The following FICD variants were observed in gnomAD, a reference collection of about 807,000 sequenced individuals.
The protein encoded by FICD is FIC domain protein adenylyltransferase, also known as protein adenylyltransferase FICD.
Under a neutral mutation model 28.0 loss-of-function variants are expected in FICD, and 13 were observed. That is an observed-to-expected ratio of 0.46 (90% CI 0.30 to 0.74). FICD has a LOEUF of 0.74. Ranked by LOEUF, FICD falls within the 30% of genes least tolerant of loss-of-function variation. The pLI is 0.07. For synonymous variants in FICD, 268 were observed against 266.4 expected, an observed-to-expected ratio of 1.01 and a Z score of -0.06; for missense variants, 576 against 624.5, an observed-to-expected ratio of 0.92 and a Z score of 0.83.
chr12:108,520,589 C>G lies in FICD; in HGVS notation c.*1114C>G, dbSNP rs1169807365. The G allele has an allele frequency of 2.0e-5, 3 of 152,188 alleles. No individual in the cohort carries two copies. The East Asian group carries it at 5.8e-4, about 29-fold the overall frequency. The allele number at this position is 152,188 out of a possible 1,614,324, so 9.4% of individuals were successfully genotyped here. ...GCAGAAGAGATTGCCTCGGAGTGGCCTTATTTTTCTCGCAACTTGTGAAAT... is the reference window on the plus strand; with the variant it reads ...GCAGAAGAGATTGCCTCGGAGTGGCGTTATTTTTCTCGCAACTTGTGAAAT... On this transcript the variant is annotated 3_prime_UTR_variant, in exon 3 of 3. Coordinates refer to ENST00000552695, the MANE Select transcript of FICD (RefSeq NM_007076.3).
Position 108,519,125 on chromosome 12 carries a change from G to A in FICD, c.1027G>A (p.Ala343Thr). Residue 343 changes from alanine (A) to threonine (T), a missense_variant, in exon 3 of 3, where the codon GCC becomes ACC. Coordinates refer to ENST00000552695, the MANE Select transcript of FICD (RefSeq NM_007076.3). The surrounding 1 kb of genome is among the most constrained non-coding windows in gnomAD (Gnocchi z 4.5). ...EFVQWLNSEE[A>T]MNLHPVEFAA... ...TGTACAGTGGCTCAACTCCGAGGAA[G>A]CCATGAACCTGCACCCAGTGGAGTT... is the stretch of plus-strand genomic sequence containing the variant. 2 of 1,614,244 alleles carry A rather than the reference G, an allele frequency of 1.2e-6. No homozygotes were observed. The highest frequency in any genetic ancestry group is 1.3e-5 in the African/African-American group (1 of 75,060).
Position 108,518,186 on chromosome 12 carries a change from C to G in FICD, c.302-214C>G, listed in dbSNP as rs780434065. On this transcript the variant is annotated intron_variant, in intron 2 of 2. Coordinates refer to ENST00000552695, the MANE Select transcript of FICD (RefSeq NM_007076.3). This position sits in a 1 kb window ranked among gnomAD's most constrained non-coding sequence, Gnocchi z 4.4. ...ACAAGAGAGTGGCTCTGGGGACACA[C>G]GGATAGTGACTGCATACCACCACAC... 16 of 702,934 alleles carry G rather than the reference C, an allele frequency of 2.3e-5. No individual in the cohort carries two copies. The highest frequency in any genetic ancestry group is 3.9e-5 in the Non-Finnish European group (15 of 385,252). The allele number at this position is 702,934 out of a possible 1,614,324, so 43.5% of individuals were successfully genotyped here.
chr12:108,521,067 G>A lies in FICD; in HGVS notation c.*1592G>A, dbSNP rs372509377. ...AGAGGTACTTCTTAAAACTCTTCTC[G>A]TCTTGGTTTTATAAGCACACCACGG... On this transcript the variant is annotated 3_prime_UTR_variant, in exon 3 of 3. Transcript: ENST00000552695. The A allele has an allele frequency of 3.9e-5, 6 of 152,136 alleles. No homozygotes were observed. Among genetic ancestry groups the A allele is most frequent in the East Asian group, 1.9e-4 (1 of 5,206 alleles). 9.4% of individuals were successfully genotyped at this position (152,136 alleles called of 1,614,324 possible).
In FICD at chr12:108,519,138, A is replaced by T; in HGVS notation, c.1040A>T (p.His347Leu). The T allele has an allele frequency of 6.2e-7, 1 of 1,614,220 alleles. No individual in the cohort carries two copies. The highest frequency in any genetic ancestry group is 8.5e-7 in the Non-Finnish European group (1 of 1,180,028). The change falls in exon 3 of 3, where the codon CAC becomes CTC. Residue 347 changes from histidine (H) to leucine (L), a missense_variant. His to Leu is a moderately conservative substitution (Grantham distance 99). Coordinates refer to ENST00000552695, the MANE Select transcript of FICD (RefSeq NM_007076.3). This position sits in a 1 kb window ranked among gnomAD's most constrained non-coding sequence, Gnocchi z 4.5. ...AACTCCGAGGAAGCCATGAACCTGCACCCAGTGGAGTTTGCAGCCTTAGCC... is the reference window on the plus strand; with the variant it reads ...AACTCCGAGGAAGCCATGAACCTGCTCCCAGTGGAGTTTGCAGCCTTAGCC... Reference protein sequence around the residue: ...WLNSEEAMNLHPVEFAALAHY... With the variant: ...WLNSEEAMNLLPVEFAALAHY...
rs759118075 is a variant in FICD at position 108,518,746 on chromosome 12, C to T, written c.648C>T (p.Arg216=). ...TCCCCAAGGGGAACTCAGCTCTGCG[C>T]AGGGTCATGGAGGAGACCTACTACC... ...MSIPKGNSAL[R]RVMEETYYHH... Residue 216 remains arginine, a synonymous_variant, in exon 3 of 3, where the codon CGC becomes CGT. Coordinates refer to ENST00000552695, the MANE Select transcript of FICD (RefSeq NM_007076.3). The surrounding 1 kb of genome is among the most constrained non-coding windows in gnomAD (Gnocchi z 4.4). 9.3e-6 allele frequency: 15 copies of T among 1,614,216 alleles called. No individual in the cohort carries two copies. In the South Asian group the frequency reaches 1.6e-4, roughly 18 times the overall value.
chr12:108,517,822 C>T (rs1241119295), intron 2 of FICD, among the ~76,000 whole-genome samples: 1 of 152,176 alleles, frequency 6.6e-6, no homozygotes, highest in East Asian at 1.9e-4. Flanking sequence ...CCCTCCACCT[C>T]CTCAGTTATG....
rs1356522280 is a variant in FICD at position 108,519,028 on chromosome 12, G to A, written c.930G>A (p.Arg310=). Residue 310 remains arginine (R), a synonymous_variant, in exon 3 of 3, where the codon CGG becomes CGA. Transcript: ENST00000552695. This position sits in a 1 kb window ranked among gnomAD's most constrained non-coding sequence, Gnocchi z 4.5. Reference sequence around the variant, plus strand: ...ACCCCGTGGAAGCCGGCAGGTTTCGGACAACACAGGTCCTGGTCGGACACC... The same window carrying A: ...ACCCCGTGGAAGCCGGCAGGTTTCGAACAACACAGGTCCTGGTCGGACACC... ...YVDPVEAGRF[R]TTQVLVGHHI... 1 of 1,614,090 alleles carries A rather than the reference G, an allele frequency of 6.2e-7. No individual in the cohort carries two copies. The highest frequency in any genetic ancestry group is 8.5e-7 in the Non-Finnish European group (1 of 1,180,048).
At position 108,517,149 on chromosome 12, in the gene FICD, C is replaced by T; in HGVS notation, c.177C>T (p.Tyr59=). The T allele has an allele frequency of 6.2e-7, 1 of 1,607,970 alleles. No homozygotes were observed. The highest frequency in any genetic ancestry group is 1.1e-5 in the South Asian group (1 of 90,254). The change falls in exon 2 of 3, where the codon TAC becomes TAT. Residue 59 remains tyrosine, a synonymous_variant. Transcript: ENST00000552695. ...EQCLAVLKGL[Y]LLRSKPDRAQ... Reference sequence around the variant, plus strand: ...GCTTGGCTGTGCTCAAAGGCCTCTACCTGCTCAGGAGCAAACCGGACAGGG... The same window carrying T: ...GCTTGGCTGTGCTCAAAGGCCTCTATCTGCTCAGGAGCAAACCGGACAGGG...
rs771743900 is a variant in FICD at position 108,518,339 on chromosome 12, C to T, written c.302-61C>T. On this transcript the variant is annotated intron_variant, in intron 2 of 2. Coordinates refer to ENST00000552695, the MANE Select transcript of FICD (RefSeq NM_007076.3). The surrounding 1 kb of genome is among the most constrained non-coding windows in gnomAD (Gnocchi z 4.4). ...CGGAGACCAGCACAGGGGACAGCCC[C>T]CCGAATGTCCTCTGCCCCCTAGCCT... The T allele has an allele frequency of 5.3e-5, 74 of 1,402,586 alleles. No homozygotes were observed. In the African/African-American group the frequency reaches 9.5e-4, roughly 18 times the overall value. 86.9% of individuals were successfully genotyped at this position (1,402,586 alleles called of 1,614,324 possible). A position where few individuals can be genotyped will look rare whatever the true frequency, so the allele number is the denominator to read the frequency against.
At position 108,517,111 on chromosome 12, in the gene FICD, G is replaced by A; in HGVS notation, c.139G>A (p.Val47Met). 3 of 1,610,458 alleles carry A rather than the reference G, an allele frequency of 1.9e-6. No individual in the cohort carries two copies. Among genetic ancestry groups the A allele is most frequent in the Non-Finnish European group, 2.5e-6 (3 of 1,178,326 alleles). The change falls in exon 2 of 3, where the codon GTG becomes ATG. Residue 47 changes from valine (V) to methionine (M), a missense_variant. Coordinates refer to ENST00000552695, the MANE Select transcript of FICD (RefSeq NM_007076.3). ...GGCCCTGCTGCTGCCGCTGGGGGCT[G>A]TGGAGGAGCAGTGCTTGGCTGTGCT... ...LLALLLPLGA[V>M]EEQCLAVLKG...
chr12:108,516,855 C>A, intron 1 of FICD, 60 bp from the exon 2 acceptor site: 2 of 812,600 alleles, frequency 2.5e-6, no homozygotes, highest in Non-Finnish European at 1.8e-6. Flanking sequence ...ATCTTCCCAG[C>A]TGAAGTCACA....
At chr12:108,516,564 C>G (rs1465313201) in intron 1 of FICD, among the ~76,000 whole-genome samples, 2 of 152,242 alleles carry the variant, frequency 1.3e-5, no homozygotes, top group African/African-American at 4.8e-5. Context: ...CTTCACCTCT[C>G]TGAACCTCAG....
chr12:108,519,604 TA>T lies in FICD; in HGVS notation c.*144del, dbSNP rs201412313. The T allele has an allele frequency of 0.017, 4,902 of 296,538 alleles. 1 individual carries two copies. The highest frequency in any genetic ancestry group is 0.029 in the East Asian group (565 of 19,428). 18.4% of individuals were successfully genotyped at this position (296,538 alleles called of 1,614,324 possible). On this transcript the variant is annotated 3_prime_UTR_variant, in exon 3 of 3. Coordinates refer to ENST00000552695, the MANE Select transcript of FICD (RefSeq NM_007076.3). The surrounding 1 kb of genome is among the most constrained non-coding windows in gnomAD (Gnocchi z 4.5). ...TCTTTACCTCCAAATGTTTTAGTTT[TA>T]AAAAAAAAAAAAAACTAAGTTATGA...
rs1046577174 is a variant in FICD, at chr12:108,519,385, G to C, written c.1287G>C (p.Leu429=). ...AKCTETTLDT[L]LFATTEYSVA... ...GTACTGAGACCACCCTGGACACCCT[G>C]CTTTTTGCCACAACTGAGTACTCGG... Residue 429 remains leucine, a synonymous_variant, in exon 3 of 3, where the codon CTG becomes CTC. Coordinates refer to ENST00000552695, the MANE Select transcript of FICD (RefSeq NM_007076.3). This position sits in a 1 kb window ranked among gnomAD's most constrained non-coding sequence, Gnocchi z 4.5. The C allele has an allele frequency of 1.2e-6, 2 of 1,613,962 alleles. No individual in the cohort carries two copies. The highest frequency in any genetic ancestry group is 1.7e-6 in the Non-Finnish European group (2 of 1,180,024).
In FICD at chr12:108,519,592, A is replaced by G. The variant is rs1342556206; in HGVS notation, c.*117A>G. On this transcript the variant is annotated 3_prime_UTR_variant, in exon 3 of 3. Transcript: ENST00000552695. This position sits in a 1 kb window ranked among gnomAD's most constrained non-coding sequence, Gnocchi z 4.5. ...AAGGAGAAACATTCTTTACCTCCAA[A>G]TGTTTTAGTTTTAAAAAAAAAAAAA... The G allele has an allele frequency of 1.2e-4, 69 of 559,650 alleles. No individual in the cohort carries two copies. The East Asian group carries it at 1.8e-3, about 14-fold the overall frequency. 34.7% of individuals were successfully genotyped at this position (559,650 alleles called of 1,614,324 possible).
chr12:108,520,552 T>G lies in FICD; in HGVS notation c.*1077T>G, dbSNP rs1872079442. 6.6e-6 allele frequency: 1 copy of G among 152,208 alleles called. No homozygotes were observed. Among genetic ancestry groups the G allele is most frequent in the African/African-American group, 2.4e-5 (1 of 41,442 alleles). The allele number at this position is 152,208 out of a possible 1,614,324, so 9.4% of individuals were successfully genotyped here. A position where few individuals can be genotyped will look rare whatever the true frequency, so the allele number is the denominator to read the frequency against. On this transcript the variant is annotated 3_prime_UTR_variant, in exon 3 of 3. Coordinates refer to ENST00000552695, the MANE Select transcript of FICD (RefSeq NM_007076.3). ...GGTCTTTGCACTGTCCCGTGTCCCATCCCCCTGGGAGGCAGAAGAGATTGC... is the reference window on the plus strand; with the variant it reads ...GGTCTTTGCACTGTCCCGTGTCCCAGCCCCCTGGGAGGCAGAAGAGATTGC...
Position 108,518,800 on chromosome 12 carries a change from G to A in FICD, c.702G>A (p.Glu234=), listed in dbSNP as rs559793492. Residue 234 remains glutamate, a synonymous_variant, in exon 3 of 3, where the codon GAG becomes GAA. Transcript: ENST00000552695. The surrounding 1 kb of genome is among the most constrained non-coding windows in gnomAD (Gnocchi z 4.4). ...YHHIYHTVAI[E]GNTLTLSEIR... is the part of the protein sequence containing the mutation. ...ACATCTACCACACAGTGGCCATCGAGGGCAACACCCTCACCCTCTCGGAAA... is the reference window on the plus strand; with the variant it reads ...ACATCTACCACACAGTGGCCATCGAAGGCAACACCCTCACCCTCTCGGAAA... 6.2e-7 allele frequency: 1 copy of A among 1,614,208 alleles called. No individual in the cohort carries two copies. The highest frequency in any genetic ancestry group is 1.7e-5 in the Admixed American group (1 of 60,032).
rs1333791392 is a variant in FICD, at chr12:108,519,508, G to A, written c.*33G>A. The A allele has an allele frequency of 1.4e-6, 2 of 1,386,970 alleles. No individual in the cohort carries two copies. The highest frequency in any genetic ancestry group is 1.5e-5 in the African/African-American group (1 of 68,106). The allele number at this position is 1,386,970 out of a possible 1,614,324, so 85.9% of individuals were successfully genotyped here. A position where few individuals can be genotyped will look rare whatever the true frequency, so the allele number is the denominator to read the frequency against. Reference sequence around the variant, plus strand: ...AATCCTCAGTGACAAAGGCTGTCCTGAGGTAGGAAAAAAAAAAAGAAACAG... The same window carrying A: ...AATCCTCAGTGACAAAGGCTGTCCTAAGGTAGGAAAAAAAAAAAGAAACAG... On this transcript the variant is annotated 3_prime_UTR_variant, in exon 3 of 3. Coordinates refer to ENST00000552695, the MANE Select transcript of FICD (RefSeq NM_007076.3). This position sits in a 1 kb window ranked among gnomAD's most constrained non-coding sequence, Gnocchi z 4.5.
chr12:108,516,933 C>G lies in FICD; in HGVS notation c.-40C>G. 2 of 1,432,482 alleles carry G rather than the reference C, an allele frequency of 1.4e-6. No homozygotes were observed. The highest frequency in any genetic ancestry group is 1.9e-6 in the Non-Finnish European group (2 of 1,079,642). 88.7% of individuals were successfully genotyped at this position (1,432,482 alleles called of 1,614,324 possible). ...CTTGCAGATCCTGCTCTCTCTCAGCCGCCTGTGGACATGCGCAAAGGGCCC... is the reference window on the plus strand; with the variant it reads ...CTTGCAGATCCTGCTCTCTCTCAGCGGCCTGTGGACATGCGCAAAGGGCCC... On this transcript the variant is annotated 5_prime_UTR_variant, in exon 2 of 3. Transcript: ENST00000552695.
Sources: allele counts gnomAD v4.1 joint callset (sites outside exome capture counted in the v4.1 genomes callset), GRCh38; gene constraint gnomAD v4.1.1; non-coding constraint Gnocchi (gnomAD v3.1); transcripts MANE v1.5; gene names NCBI Gene and HGNC (gene_info 2026-07-23, HGNC 2026-07-21).